The following CASR variants were observed in gnomAD, a reference collection of about 807,000 sequenced individuals.
CASR encodes calcium sensing receptor, also known as extracellular calcium-sensing receptor.
Under a neutral mutation model 69.1 loss-of-function variants are expected in CASR, and 23 were observed. That is an observed-to-expected ratio of 0.33 (90% CI 0.24 to 0.47). The LOEUF (loss-of-function observed/expected upper bound fraction) is 0.47. Ranked by LOEUF, CASR falls within the 20% of genes least tolerant of loss-of-function variation. The pLI is 1.00. For missense variants in CASR, 924 were observed against 1,356.1 expected, an observed-to-expected ratio of 0.68 and a Z score of 5.00; for synonymous variants, 541 against 544.7, an observed-to-expected ratio of 0.99 and a Z score of 0.10.
In CASR at chr3:122,288,444, A is replaced by G. The variant is rs1458831569; in HGVS notation, c.*3253A>G. 1.3e-5 allele frequency: 2 copies of G among 152,268 alleles called. No homozygotes were observed. The highest frequency in any genetic ancestry group is 2.9e-5 in the Non-Finnish European group (2 of 68,058). 9.4% of individuals were successfully genotyped at this position (152,268 alleles called of 1,614,324 possible). On this transcript the variant is annotated 3_prime_UTR_variant, in exon 7 of 7. Coordinates refer to ENST00000639785, the MANE Select transcript of CASR (RefSeq NM_000388.4). Reference sequence around the variant, plus strand: ...GAAGTTTATAGTAATTTGTTTCAGCAGCAACAGAAAACAAATACATTTGTA... The same window carrying G: ...GAAGTTTATAGTAATTTGTTTCAGCGGCAACAGAAAACAAATACATTTGTA...
intron 6 of CASR, among the ~76,000 whole-genome samples, 169 bp from the exon 7 acceptor site, chr3:122,283,518 G>A (rs570915772): frequency 3.3e-5 from 5 of 152,262 alleles, no homozygotes; most frequent in African/African-American, 7.2e-5. Flanking sequence ...TAAACATGTC[G>A]GGGTTCAGCA....
chr3:122,217,056 G>A (rs2074123973), intron 1 of CASR, among the ~76,000 whole-genome samples: 2 of 152,058 alleles, frequency 1.3e-5, no homozygotes, highest in South Asian at 2.1e-4. Flanking sequence ...AATAACTATA[G>A]CAATGAATAT....
intron 1 of CASR, among the ~76,000 whole-genome samples, chr3:122,220,163 C>T (rs998687909): frequency 6.6e-6 from 1 of 152,176 alleles, no homozygotes; most frequent in African/African-American, 2.4e-5. Flanking sequence ...AGAAGAGACA[C>T]CTGATCCCAA....
At chr3:122,217,901 T>C (rs2074132920) in intron 1 of CASR, among the ~76,000 whole-genome samples, 1 of 151,998 alleles carries the variant, frequency 6.6e-6, no homozygotes, top group Admixed American at 6.6e-5. Context: ...TAGAAAGATA[T>C]TGGCATAGGC....
intron 6 of CASR, 138 bp from the exon 7 acceptor site, chr3:122,283,549 T>A (rs1290665997): frequency 1.4e-6 from 1 of 723,270 alleles, no homozygotes; most frequent in African/African-American, 1.7e-5. Flanking sequence ...AATGTAAAAA[T>A]CAGAATGATT....
Position 122,254,187 on chromosome 3 carries a change from A to C in CASR, c.-3A>C. ...TCCCTTGCCCTGGAGAGACGGCAGA[A>C]CCATGGCATTTTATAGCTGCTGCTG... is the stretch of plus-strand genomic sequence containing the variant. On this transcript the variant is annotated 5_prime_UTR_variant, in exon 2 of 7. Coordinates refer to ENST00000639785, the MANE Select transcript of CASR (RefSeq NM_000388.4). 6.2e-7 allele frequency: 1 copy of C among 1,612,650 alleles called. No individual in the cohort carries two copies. The highest frequency in any genetic ancestry group is 1.3e-5 in the African/African-American group (1 of 74,994).
intron 1 of CASR, among the ~76,000 whole-genome samples, chr3:122,209,993 A>T (rs1399147851): frequency 3.9e-5 from 6 of 152,334 alleles, no homozygotes; most frequent in Admixed American, 3.9e-4. Context: ...AAACCACATG[A>T]TTATCTCAAT....
intron 5 of CASR, among the ~76,000 whole-genome samples, chr3:122,280,593 C>G (rs975430442): frequency 5.3e-5 from 8 of 152,170 alleles, no homozygotes; most frequent in Non-Finnish European, 5.9e-5. Flanking sequence ...CCCTCCCCTC[C>G]CCTTCCCTTC....
intron 1 of CASR, among the ~76,000 whole-genome samples, chr3:122,201,378 GAA>G (rs2073949533): frequency 6.6e-6 from 1 of 152,326 alleles, no homozygotes; most frequent in Non-Finnish European, 1.5e-5. Context: ...AGAACAAAAT[GAA>G]AAGTCTCCCA....
intron 1 of CASR, among the ~76,000 whole-genome samples, chr3:122,237,607 A>G (rs1006401238): frequency 6.6e-6 from 1 of 152,276 alleles, no homozygotes; most frequent in South Asian, 2.1e-4. Flanking sequence ...ATATAGATGA[A>G]TTTTATTAAT....
chr3:122,289,792 G>A lies in CASR; in HGVS notation c.*4601G>A, dbSNP rs1484212681. ...GGGGTACCTGTTTAAATCAACAGCT[G>A]AGGCCAGATGCAGAGGCTCATGCCT... is the stretch of plus-strand genomic sequence containing the variant. On this transcript the variant is annotated 3_prime_UTR_variant, in exon 7 of 7. Coordinates refer to ENST00000639785, the MANE Select transcript of CASR (RefSeq NM_000388.4). The A allele has an allele frequency of 6.6e-6, 1 of 152,504 alleles. No individual in the cohort carries two copies. The highest frequency in any genetic ancestry group is 1.5e-5 in the Non-Finnish European group (1 of 68,334). 9.4% of individuals were successfully genotyped at this position (152,504 alleles called of 1,614,324 possible).
intron 1 of CASR, among the ~76,000 whole-genome samples, chr3:122,216,747 C>A (rs973740612): frequency 6.6e-6 from 1 of 152,222 alleles, no homozygotes; most frequent in South Asian, 2.1e-4. Flanking sequence ...AATACAAGGA[C>A]TAGAACTTCT....
chr3:122,268,236 G>C (rs1470147675), intron 4 of CASR, among the ~76,000 whole-genome samples: 1 of 152,222 alleles, frequency 6.6e-6, no homozygotes, highest in Non-Finnish European at 1.5e-5. Context: ...GAGTGCTTAG[G>C]ATAGTGCCTA....
chr3:122,230,355 C>G (rs529238494), intron 1 of CASR, among the ~76,000 whole-genome samples: 2 of 152,366 alleles, frequency 1.3e-5, no homozygotes, highest in Non-Finnish European at 2.9e-5. Context: ...TCCTTGCTGA[C>G]GCTGCCGCCA....
At chr3:122,184,607 A>C (rs1182343555) in intron 1 of CASR, 1 of 152,532 alleles carries the variant, frequency 6.6e-6, no homozygotes, top group Non-Finnish European at 1.5e-5. Context: ...TCTGGGGGCC[A>C]AGGGCTCCGG....
intron 1 of CASR, among the ~76,000 whole-genome samples, chr3:122,225,374 GA>G (rs140457735): frequency 1.3e-4 from 19 of 145,170 alleles, no homozygotes; most frequent in African/African-American, 2.8e-4. Context: ...AATTGAACAG[GA>G]AAAAAAAAGA....
At chr3:122,194,991 C>A (rs981580418) in intron 1 of CASR, among the ~76,000 whole-genome samples, 6 of 127,756 alleles carry the variant, frequency 4.7e-5, no homozygotes, top group Admixed American at 9.5e-5. Flanking sequence ...TTTTCCTCCT[C>A]CTCCTCCTAC....
chr3:122,278,460 T>C (rs971876114), intron 5 of CASR, among the ~76,000 whole-genome samples: 24 of 152,206 alleles, frequency 1.6e-4, no homozygotes, highest in Admixed American at 1.6e-3. Context: ...TCTTTCCTTG[T>C]TTTGCTACAA....
chr3:122,201,218 C>T (rs2073947683), intron 1 of CASR, among the ~76,000 whole-genome samples: 1 of 152,040 alleles, frequency 6.6e-6, no homozygotes, highest in South Asian at 2.1e-4. Flanking sequence ...GAGCATGTTG[C>T]CTTCAAGCAT....
Sources: allele counts gnomAD v4.1 joint callset (sites outside exome capture counted in the v4.1 genomes callset), GRCh38; gene constraint gnomAD v4.1.1; transcripts MANE v1.5; gene names NCBI Gene and HGNC (gene_info 2026-07-23, HGNC 2026-07-21).